The following AFF1 variants were observed in gnomAD, a reference collection of about 807,000 sequenced individuals.
AFF1 encodes the protein ALF transcription elongation factor 1.
A neutral mutation model predicts 121.7 loss-of-function variants in AFF1; 48 were observed. The ratio of observed to expected loss-of-function variants is 0.39; its 90% CI spans 0.31 to 0.50. The LOEUF (loss-of-function observed/expected upper bound fraction) is 0.50. Ranked by LOEUF, AFF1 falls within the 20% of genes least tolerant of loss-of-function variation. AFF1 has a pLI of 0.76. For missense variants in AFF1, 1,523 were observed against 1,511.7 expected, an observed-to-expected ratio of 1.01 and a Z score of -0.12; for synonymous variants, 613 against 563.0, an observed-to-expected ratio of 1.09 and a Z score of -1.26.
chr4:87,081,852 C>CT (rs1269416198), intron 4 of AFF1, among the ~76,000 whole-genome samples: 1 of 152,162 alleles, frequency 6.6e-6, no homozygotes, highest in Non-Finnish European at 1.5e-5. Flanking sequence ...TGTTGCTAAT[C>CT]TAAAATAAGC....
Position 87,137,202 on chromosome 4 carries a change from G to C in AFF1, c.*1501G>C, listed in dbSNP as rs1729371554. The C allele has an allele frequency of 4.4e-6, 1 of 228,104 alleles. No homozygotes were observed. The highest frequency in any genetic ancestry group is 5.7e-5 in the Admixed American group (1 of 17,578). 14.1% of individuals were successfully genotyped at this position (228,104 alleles called of 1,614,324 possible). On this transcript the variant is annotated 3_prime_UTR_variant, in exon 21 of 21. Transcript: ENST00000395146. ...GAATTTGCACACTTACTACAATTGA[G>C]GAGTGTCATCTCTATAACTTTTTCT...
At chr4:87,051,381 T>A (rs1319363739) in intron 4 of AFF1, among the ~76,000 whole-genome samples, 1 of 152,050 alleles carries the variant, frequency 6.6e-6, no homozygotes, top group Non-Finnish European at 1.5e-5. Context: ...GCCTCACTTT[T>A]ATCTTTCATC....
intron 2 of AFF1, chr4:86,949,540 T>TTA (rs1560495575): frequency 0.016 from 2,015 of 125,086 alleles, 15 homozygotes; most frequent in Admixed American, 0.048. Flanking sequence ...TATTATTATT[T>TTA]TTTTTTTTTT....
intron 1 of AFF1, among the ~76,000 whole-genome samples, chr4:86,937,935 A>G (rs898660904): frequency 6.6e-6 from 1 of 152,160 alleles, no homozygotes; most frequent in South Asian, 2.1e-4. Flanking sequence ...GTGATTGTTT[A>G]GTTGAAGTTT....
At chr4:86,955,702 C>T (rs963177941) in intron 2 of AFF1, among the ~76,000 whole-genome samples, 37 of 152,148 alleles carry the variant, frequency 2.4e-4, no homozygotes, top group Non-Finnish European at 5.1e-4. Context: ...TCAGGCTATA[C>T]CACCAAATGG....
intron 2 of AFF1, among the ~76,000 whole-genome samples, chr4:87,017,952 A>AAG (rs397742585): frequency 1.3e-5 from 2 of 150,798 alleles, no homozygotes; most frequent in African/African-American, 4.9e-5. Context: ...AAAAAAAAAA[A>AAG]GCTGTGAGGC....
rs72876071 is a variant in AFF1, at chr4:86,943,076, A to C, written c.-36-5422A>C. On this transcript the variant is annotated intron_variant, in intron 1 of 20. Coordinates refer to ENST00000395146, the MANE Select transcript of AFF1 (RefSeq NM_001166693.3). The stretch of plus-strand genomic sequence containing the variant: ...TTGAGAGTCAGTGGAGGCCTCTCTG[A>C]GAATGTCATTGGAGCTGAGCACCTA... 1.3e-3 allele frequency among the ~76,000 whole-genome samples: 196 copies of C among 152,376 alleles called. 1 individual carries two copies. The highest frequency in any genetic ancestry group is 4.5e-3 in the African/African-American group (186 of 41,592).
intron 2 of AFF1, among the ~76,000 whole-genome samples, chr4:86,976,352 G>A (rs147711571): frequency 8.3e-4 from 126 of 152,210 alleles, no homozygotes; most frequent in African/African-American, 2.9e-3. Flanking sequence ...CCGCATTATG[G>A]AATCAACCAT....
intron 2 of AFF1, among the ~76,000 whole-genome samples, chr4:87,001,068 A>G (rs1725674128): frequency 6.6e-6 from 1 of 152,028 alleles, no homozygotes; most frequent in African/African-American, 2.4e-5. Flanking sequence ...GGATCTATCT[A>G]TTAATATTGA....
chr4:86,984,602 C>T (rs2149494808), intron 2 of AFF1, among the ~76,000 whole-genome samples: 1 of 152,194 alleles, frequency 6.6e-6, no homozygotes, highest in East Asian at 1.9e-4. Flanking sequence ...GGATTACAGG[C>T]ATGAGCCACT....
At chr4:87,074,488 ATAGT>A (rs1305426166) in intron 4 of AFF1, among the ~76,000 whole-genome samples, 2 of 152,228 alleles carry the variant, frequency 1.3e-5, no homozygotes, top group Non-Finnish European at 2.9e-5. Context: ...TTCATAGTCA[ATAGT>A]TAGGAAGTTG....
chr4:86,995,029 C>T (rs1725007492), intron 2 of AFF1, among the ~76,000 whole-genome samples: 1 of 151,974 alleles, frequency 6.6e-6, no homozygotes, highest in Non-Finnish European at 1.5e-5. Context: ...TCACCTGAGT[C>T]CAGGAGTTTG....
intron 4 of AFF1, among the ~76,000 whole-genome samples, chr4:87,073,280 C>CAAAAAAAAAA (rs55821662): frequency 2.0e-4 from 17 of 83,684 alleles, no homozygotes; most frequent in African/African-American, 4.2e-4. Context: ...GCATTAAAGC[C>CAAAAAAAAAA]AAAAAAAAAA....
chr4:86,964,981 GT>G (rs1431868927), intron 2 of AFF1, among the ~76,000 whole-genome samples: 1 of 152,192 alleles, frequency 6.6e-6, no homozygotes, highest in Non-Finnish European at 1.5e-5. Context: ...AGTGATTTGA[GT>G]TTGCCGCTAT....
At chr4:87,086,863 G>C (rs1306484305) in intron 5 of AFF1, among the ~76,000 whole-genome samples, 3 of 152,184 alleles carry the variant, frequency 2.0e-5, no homozygotes, top group Non-Finnish European at 2.9e-5. Flanking sequence ...TCCTAACAGA[G>C]AAAATCAATC....
intron 2 of AFF1, among the ~76,000 whole-genome samples, chr4:87,008,765 G>A (rs1466192055): frequency 1.3e-5 from 2 of 152,066 alleles, no homozygotes; most frequent in Admixed American, 6.5e-5. Context: ...CTCCACTCAG[G>A]AAATTAAGGA....
chr4:87,024,223 A>G (rs56050898), intron 2 of AFF1, among the ~76,000 whole-genome samples: 32,028 of 152,072 alleles, frequency 0.21, 3,541 homozygotes, highest in East Asian at 0.32. Context: ...ACATATATCC[A>G]TGTGGCCAGT....
At chr4:86,978,147 GCTTACTTCT>G (rs1191582510) in intron 2 of AFF1, among the ~76,000 whole-genome samples, 32 of 71,484 alleles carry the variant, frequency 4.5e-4, no homozygotes, top group Non-Finnish European at 8.6e-4. Context: ...ATTGATGGTA[GCTTACTTCT>G]CTTACTTCTC....
intron 2 of AFF1, among the ~76,000 whole-genome samples, chr4:86,982,388 C>CTTTTTT (rs70953632): frequency 3.4e-5 from 2 of 58,592 alleles, no homozygotes; most frequent in South Asian, 1.1e-3. Context: ...AAAAAATTGG[C>CTTTTTT]TTTTTTTTTT....
Sources: gnomAD v4.1 joint callset for allele counts (sites outside exome capture counted in the v4.1 genomes callset) on GRCh38, gnomAD v4.1.1 for gene constraint, MANE v1.5 for transcripts, NCBI Gene and HGNC (gene_info 2026-07-23, HGNC 2026-07-21) for gene names.